Variants in ESR1 observed in about 807,000 individuals in gnomAD.
ESR1 encodes the protein estrogen receptor 1.
Under a neutral mutation model 52.7 loss-of-function variants are expected in ESR1, and 12 were observed. The observed-to-expected ratio is 0.23, with a 90% CI of 0.15 to 0.37. The LOEUF is 0.37. Ranked by LOEUF, ESR1 falls within the 10% of genes least tolerant of loss-of-function variation. ESR1 has a pLI of 1.00. For missense variants in ESR1, 584 were observed against 779.7 expected, an observed-to-expected ratio of 0.75 and a Z score of 2.99; for synonymous variants, 305 against 316.8, an observed-to-expected ratio of 0.96 and a Z score of 0.39.
chr6:151,866,043 G>A (rs1035710081), intron 2 of ESR1, among the ~76,000 whole-genome samples: 3 of 152,178 alleles, frequency 2.0e-5, no homozygotes, highest in Non-Finnish European at 4.4e-5. Flanking sequence ...AACCACTCCT[G>A]CTTTTGTTTA....
rs1027963102 is a variant in ESR1, at chr6:152,046,609, A to T, written c.1236-14382A>T. On this transcript the variant is annotated intron_variant, in intron 5 of 7. Transcript: ENST00000206249. ...TGAACTCAAGGCAAAGATTGTCCATAGTAAAAGAAGACAAAATAAGAATGA... is the reference window on the plus strand; with the variant it reads ...TGAACTCAAGGCAAAGATTGTCCATTGTAAAAGAAGACAAAATAAGAATGA... 2.6e-5 allele frequency among the ~76,000 whole-genome samples: 4 copies of T among 152,368 alleles called. No individual in the cohort carries two copies. The East Asian group carries it at 7.7e-4, about 29-fold the overall frequency.
chr6:151,906,782 T>G (rs184597142), intron 3 of ESR1, among the ~76,000 whole-genome samples: 1 of 150,610 alleles, frequency 6.6e-6, no homozygotes. Context: ...TCGTATTTTT[T>G]CTTTATAGTT....
chr6:151,982,317 T>C (rs774723201), intron 4 of ESR1, among the ~76,000 whole-genome samples: 1 of 152,228 alleles, frequency 6.6e-6, no homozygotes, highest in Non-Finnish European at 1.5e-5. Flanking sequence ...TCCTTTCTGG[T>C]AAAGCATGTT....
intron 2 of ESR1, among the ~76,000 whole-genome samples, chr6:151,779,017 C>G (rs1273219450): frequency 6.6e-6 from 1 of 151,922 alleles, no homozygotes. Context: ...GGATGGATTA[C>G]AAAATTTTTC....
At position 151,681,432 on chromosome 6, in the gene ESR1, CAG is replaced by C. The variant is rs201454467; in HGVS notation, n.74-20442_74-20441del. Reference sequence around the variant, plus strand: ...GCGGTGCTGAGGGGTGGGGGAGGCTCAGGGGGAGCTGTTGAGGGTCCCGTGCT... The same window carrying C: ...GCGGTGCTGAGGGGTGGGGGAGGCTCGGGGAGCTGTTGAGGGTCCCGTGCT... On this transcript the variant is annotated intron_variant and non_coding_transcript_variant, in intron 1 of 2. Transcript: ENST00000473497. Among the ~76,000 whole-genome samples, 4 of 150,410 alleles carry C rather than the reference CAG, an allele frequency of 2.7e-5. No homozygotes were observed. The East Asian group carries it at 8.1e-4, about 30-fold the overall frequency.
intron 6 of ESR1, among the ~76,000 whole-genome samples, chr6:152,123,757 GT>G (rs1238334732): frequency 6.6e-6 from 1 of 152,188 alleles, no homozygotes; most frequent in Non-Finnish European, 1.5e-5. Context: ...TTCCTTAAGA[GT>G]TTTAATATCA....
At chr6:151,693,099 T>G (rs116036325) in intron 1 of ESR1, among the ~76,000 whole-genome samples, 2,925 of 152,334 alleles carry the variant, frequency 0.019, 104 homozygotes, top group African/African-American at 0.067. Context: ...GTGGGAGTAC[T>G]AACAGTAGCT....
At chr6:151,688,488 G>C (rs934202381), upstream of ESR1, among the ~76,000 whole-genome samples, 2 of 152,072 alleles carry the variant, frequency 1.3e-5, no homozygotes, top group Non-Finnish European at 2.9e-5. Flanking sequence ...TACCTCACTG[G>C]GTTGCTACAA....
intron 4 of ESR1, among the ~76,000 whole-genome samples, chr6:151,982,447 G>A (rs1584632021): frequency 6.6e-6 from 1 of 152,132 alleles, no homozygotes; most frequent in East Asian, 1.9e-4. Flanking sequence ...AAATTTTCTA[G>A]TAGCCACATT....
intron 2 of ESR1, among the ~76,000 whole-genome samples, chr6:151,719,659 A>G (rs1306092638): frequency 6.6e-6 from 1 of 152,194 alleles, no homozygotes; most frequent in Non-Finnish European, 1.5e-5. Flanking sequence ...CTTTCTCAGA[A>G]GTGTTTTCAT....
intron 1 of ESR1, among the ~76,000 whole-genome samples, chr6:151,664,031 G>C (rs1777733507): frequency 6.6e-6 from 1 of 152,172 alleles, no homozygotes. Context: ...CATTTTAGCA[G>C]TGTTTCCACT....
At chr6:151,669,733 G>A (rs541698999) in intron 1 of ESR1, among the ~76,000 whole-genome samples, 5 of 152,302 alleles carry the variant, frequency 3.3e-5, no homozygotes, top group South Asian at 4.1e-4. Flanking sequence ...AGCCTGGCCC[G>A]TAATAAACAG....
chr6:151,703,817 C>T (rs2115436973), intron 2 of ESR1, among the ~76,000 whole-genome samples: 1 of 152,282 alleles, frequency 6.6e-6, no homozygotes, highest in Non-Finnish European at 1.5e-5. Flanking sequence ...TCTTGCATTG[C>T]TTTCCCCACT....
intron 3 of ESR1, among the ~76,000 whole-genome samples, chr6:151,925,463 C>T (rs967778014): frequency 6.6e-5 from 10 of 152,002 alleles, no homozygotes; most frequent in African/African-American, 1.9e-4. Flanking sequence ...AAAAATTAGT[C>T]GGACATGGTG....
In ESR1 at chr6:151,729,348, T is replaced by G. The variant is rs530578313; in HGVS notation, c.-71+27343T>G. ...ACCATGAGAAGTAAATTTCTGTTGT[T>G]TATAAGCCACCTAGTCTATAGTGTG... On this transcript the variant is annotated intron_variant, in intron 2 of 2. Coordinates refer to the ESR1 transcript ENST00000404742. Among the ~76,000 whole-genome samples, 18 of 152,280 alleles carry G rather than the reference T, an allele frequency of 1.2e-4. No individual in the cohort carries two copies. The East Asian group carries it at 3.3e-3, about 28-fold the overall frequency.
At chr6:151,874,310 T>C (rs887248840) in intron 2 of ESR1, among the ~76,000 whole-genome samples, 1 of 152,204 alleles carries the variant, frequency 6.6e-6, no homozygotes, top group Admixed American at 6.5e-5. Context: ...GGAATGCATT[T>C]ATTTAAAAAA....
At chr6:152,064,319 A>G (rs1288944480) in intron 6 of ESR1, among the ~76,000 whole-genome samples, 1 of 152,238 alleles carries the variant, frequency 6.6e-6, no homozygotes, top group Admixed American at 6.5e-5. Context: ...AAAGGGGGCC[A>G]TGGTGGAGAC....
At chr6:151,980,571 A>G (rs2039895415) in intron 4 of ESR1, among the ~76,000 whole-genome samples, 1 of 152,214 alleles carries the variant, frequency 6.6e-6, no homozygotes, top group Admixed American at 6.5e-5. Flanking sequence ...GTTAACTACC[A>G]TTGCATTCTT....
intron 1 of ESR1, among the ~76,000 whole-genome samples, chr6:151,667,679 A>G (rs543086720): frequency 6.6e-6 from 1 of 152,292 alleles, no homozygotes; most frequent in South Asian, 2.1e-4. Flanking sequence ...AGTGCAATGG[A>G]TGGTAGTCCC....
Sources: gnomAD v4.1 joint callset for allele counts (sites outside exome capture counted in the v4.1 genomes callset) on GRCh38, gnomAD v4.1.1 for gene constraint, MANE v1.5 for transcripts, NCBI Gene and HGNC (gene_info 2026-07-23, HGNC 2026-07-21) for gene names.